The following MRAP2 variants were observed in gnomAD, a reference collection of about 807,000 sequenced individuals.
The protein encoded by MRAP2 is melanocortin 2 receptor accessory protein 2.
MRAP2 carries 20 observed loss-of-function variants against 17.4 expected under a neutral mutation model. That is an observed-to-expected ratio of 1.15 (90% CI 0.81 to 1.67). The LOEUF is 1.67. MRAP2 is among the 40% of genes most tolerant of loss of function. The pLI, the probability that MRAP2 is intolerant of heterozygous loss-of-function variation, is 0.00. For synonymous variants in MRAP2, 96 were observed against 88.4 expected, an observed-to-expected ratio of 1.09 and a Z score of -0.48; for missense variants, 238 against 240.0, an observed-to-expected ratio of 0.99 and a Z score of 0.05.
chr6:84,091,471 A>G (rs976166264), downstream of MRAP2, among the ~76,000 whole-genome samples: 7 of 152,102 alleles, frequency 4.6e-5, no homozygotes, highest in Admixed American at 3.3e-4. Flanking sequence ...ACCTCAAGTT[A>G]TCTGCCTGCC....
the MRAP2 span, among the ~76,000 whole-genome samples, chr6:84,143,259 G>A: frequency 6.6e-6 from 1 of 151,876 alleles, no homozygotes; most frequent in Admixed American, 6.6e-5. Context: ...TGTTCTTATT[G>A]TCACATTAAG....
At chr6:84,077,016 T>C (rs973151928) in intron 3 of MRAP2, among the ~76,000 whole-genome samples, 5 of 152,304 alleles carry the variant, frequency 3.3e-5, no homozygotes, top group Admixed American at 6.5e-5. Context: ...CCCACAGATA[T>C]AGCTGTTCAG....
intron 3 of MRAP2, among the ~76,000 whole-genome samples, chr6:84,078,782 A>T (rs1167128291): frequency 1.3e-5 from 2 of 152,056 alleles, no homozygotes; most frequent in African/African-American, 4.8e-5. Context: ...TTCTCCTTTG[A>T]CCTTCTTTGT....
intron 3 of MRAP2, among the ~76,000 whole-genome samples, chr6:84,066,962 G>T (rs931470936): frequency 6.6e-6 from 1 of 152,110 alleles, no homozygotes; most frequent in African/African-American, 2.4e-5. Flanking sequence ...GTGGTGATTT[G>T]TGAAATATTG....
In MRAP2 at chr6:84,089,744, C is replaced by T. The variant is rs930000896; in HGVS notation, c.*263C>T. The T allele has an allele frequency of 4.8e-5, 20 of 414,760 alleles. No individual in the cohort carries two copies. In the Admixed American group the frequency reaches 6.6e-4, roughly 14 times the overall value. The allele number at this position is 414,760 out of a possible 1,614,324, so 25.7% of individuals were successfully genotyped here. On this transcript the variant is annotated 3_prime_UTR_variant, in exon 4 of 4. Coordinates refer to ENST00000257776, the MANE Select transcript of MRAP2 (RefSeq NM_138409.4). ...TACACCAAGCTTGTCCAACCCGTGG[C>T]ATGTGTCCCAGGACAGCTTTGAATG...
chr6:84,070,593 A>G (rs577728391), intron 3 of MRAP2, among the ~76,000 whole-genome samples: 25 of 152,286 alleles, frequency 1.6e-4, no homozygotes, highest in African/African-American at 6.0e-4. Context: ...AATGTTCTGA[A>G]TATATTTGTA....
the MRAP2 span, among the ~76,000 whole-genome samples, chr6:84,119,793 T>C: frequency 6.6e-6 from 1 of 152,204 alleles, no homozygotes; most frequent in Non-Finnish European, 1.5e-5. Context: ...TTCCCTGTAC[T>C]GTTGGAAATA....
At chr6:84,124,000 C>T in the MRAP2 span, among the ~76,000 whole-genome samples, 1 of 151,960 alleles carries the variant, frequency 6.6e-6, no homozygotes, top group Non-Finnish European at 1.5e-5. Context: ...AGTACAAAAA[C>T]CACACTGAGA....
intron 3 of MRAP2, among the ~76,000 whole-genome samples, chr6:84,069,054 G>T (rs997427402): frequency 4.6e-5 from 7 of 152,058 alleles, no homozygotes; most frequent in African/African-American, 9.7e-5. Context: ...AACAGTGACA[G>T]TGTGACTTCC....
At chr6:84,039,280 T>C (rs2129157287) in intron 1 of MRAP2, among the ~76,000 whole-genome samples, 1 of 152,326 alleles carries the variant, frequency 6.6e-6, no homozygotes, top group East Asian at 1.9e-4. Context: ...GACATCAGCA[T>C]AGCAAACAAT....
chr6:84,051,737 G>A (rs1001613711), intron 1 of MRAP2, among the ~76,000 whole-genome samples: 4 of 152,162 alleles, frequency 2.6e-5, no homozygotes, highest in South Asian at 2.1e-4. Flanking sequence ...AAAGGGGAGC[G>A]GGGAGGAAAA....
chr6:84,126,385 A>G, the MRAP2 span: 1 of 1,586,534 alleles, frequency 6.3e-7, no homozygotes, highest in Non-Finnish European at 8.6e-7. Context: ...TACCTGTTGA[A>G]GTTCCTGTTC....
chr6:84,138,726 A>G, the MRAP2 span, among the ~76,000 whole-genome samples: 4 of 152,208 alleles, frequency 2.6e-5, no homozygotes, highest in African/African-American at 9.6e-5. Context: ...ACAACAATTA[A>G]GTTAACTAAA....
the MRAP2 span, among the ~76,000 whole-genome samples, chr6:84,130,403 T>C: frequency 6.6e-6 from 1 of 152,188 alleles, no homozygotes; most frequent in South Asian, 2.1e-4. Context: ...CCTCTTTTTC[T>C]ATTGTGTGGA....
At chr6:84,045,181 A>G in intron 1 of MRAP2, 1 of 984,672 alleles carries the variant, frequency 1.0e-6, no homozygotes, top group Non-Finnish European at 1.2e-6. Flanking sequence ...AAGCCCCCAC[A>G]GATGCTAAGG....
the MRAP2 span, among the ~76,000 whole-genome samples, chr6:84,106,815 G>T: frequency 6.6e-6 from 1 of 152,150 alleles, no homozygotes; most frequent in Non-Finnish European, 1.5e-5. Flanking sequence ...GAGTGCTGCT[G>T]TGCATGCCCA....
intron 3 of MRAP2, among the ~76,000 whole-genome samples, chr6:84,072,329 G>A (rs1221777791): frequency 2.0e-5 from 3 of 152,170 alleles, no homozygotes; most frequent in African/African-American, 7.2e-5. Flanking sequence ...CTGAACTGCA[G>A]TGATTGTTGT....
At chr6:84,043,446 A>G (rs906632697) in intron 1 of MRAP2, among the ~76,000 whole-genome samples, 1 of 152,188 alleles carries the variant, frequency 6.6e-6, no homozygotes, top group Non-Finnish European at 1.5e-5. Flanking sequence ...CCCTACCCTC[A>G]AGGGTAGACA....
At chr6:84,043,370 G>T (rs2099488153) in intron 1 of MRAP2, among the ~76,000 whole-genome samples, 1 of 152,090 alleles carries the variant, frequency 6.6e-6, no homozygotes, top group Admixed American at 6.5e-5. Flanking sequence ...GGATTTAAGA[G>T]AAGAGAGAGA....
Sources: allele counts gnomAD v4.1 joint callset (sites outside exome capture counted in the v4.1 genomes callset), GRCh38; gene constraint gnomAD v4.1.1; transcripts MANE v1.5; gene names NCBI Gene and HGNC (gene_info 2026-07-23, HGNC 2026-07-21).